The following POLR1C variants were observed in gnomAD, a reference collection of about 807,000 sequenced individuals.
POLR1C encodes the protein RNA polymerase I and III subunit C, also known as DNA-directed RNA polymerases I and III subunit RPAC1.
POLR1C carries 42 observed loss-of-function variants against 38.3 expected under a neutral mutation model. That is an observed-to-expected ratio of 1.10 (90% CI 0.86 to 1.42). The LOEUF (loss-of-function observed/expected upper bound fraction) is 1.42, where lower values mean the gene tolerates loss of function less well. POLR1C is among the 40% of genes most tolerant of loss of function. The pLI is 0.00. For missense variants in POLR1C, 507 were observed against 450.5 expected, an observed-to-expected ratio of 1.13 and a Z score of -1.14; for synonymous variants, 163 against 163.9, an observed-to-expected ratio of 0.99 and a Z score of 0.04.
At position 43,520,987 on chromosome 6, in the gene POLR1C, C is replaced by T. The variant is rs1396356657; in HGVS notation, c.861C>T (p.Ile287=). The change falls in exon 8 of 9, where the codon ATC becomes ATT. Residue 287 remains isoleucine (I), a synonymous_variant. Transcript: ENST00000642195. The stretch of plus-strand genomic sequence containing the variant: ...GGCTGGATACCTTCAGCAGAGAAAT[C>T]TTCCGGAATGAGAAGCTAAAGAAGG... ...NPRLDTFSRE[I]FRNEKLKKVV... is the part of the protein sequence containing the mutation. The T allele has an allele frequency of 2.5e-6, 4 of 1,614,064 alleles. No individual in the cohort carries two copies. The highest frequency in any genetic ancestry group is 3.4e-6 in the Non-Finnish European group (4 of 1,180,038).
At chr6:43,557,511 T>C (rs747920311) in intron 10 of POLR1C, among the ~76,000 whole-genome samples, 2 of 152,116 alleles carry the variant, frequency 1.3e-5, no homozygotes, top group Non-Finnish European at 2.9e-5. Context: ...GCAGTCACAA[T>C]AGACCATGTA....
intron 9 of POLR1C, among the ~76,000 whole-genome samples, chr6:43,541,571 T>C (rs1370015868): frequency 1.4e-5 from 2 of 146,078 alleles, no homozygotes; most frequent in African/African-American, 5.1e-5. Flanking sequence ...CATTAAGCAG[T>C]AGCAGTTGAT....
downstream of POLR1C, chr6:43,525,911 C>A (rs746907635): frequency 1.2e-6 from 2 of 1,613,986 alleles, no homozygotes; most frequent in South Asian, 1.1e-5. Flanking sequence ...CTGTGGCCAT[C>A]ATTTCTTCAT....
At position 43,519,717 on chromosome 6, in the gene POLR1C, G is replaced by T; in HGVS notation, c.261G>T (p.Met87Ile). 1 of 1,614,190 alleles carries T rather than the reference G, an allele frequency of 6.2e-7. No homozygotes were observed. The highest frequency in any genetic ancestry group is 8.5e-7 in the Non-Finnish European group (1 of 1,180,028). ...RRILLAEVPT[M>I]AVEKVLVYNN... Reference sequence around the variant, plus strand: ...TTTTCCTTGGGCAGGTGCCAACTATGGCTGTGGAGAAGGTCCTGGTGTACA... The same window carrying T: ...TTTTCCTTGGGCAGGTGCCAACTATTGCTGTGGAGAAGGTCCTGGTGTACA... Residue 87 changes from methionine to isoleucine, a missense_variant, in exon 4 of 9, where the codon ATG becomes ATT. By Grantham distance (10) the Met-to-Ile change is conservative. Coordinates refer to ENST00000642195, the MANE Select transcript of POLR1C (RefSeq NM_203290.4).
exon 11 of POLR1C, chr6:43,561,605 T>C (rs3757266): frequency 0.19 from 28,627 of 152,958 alleles, 5,748 homozygotes; most frequent in African/African-American, 0.51. Flanking sequence ...TCTCAAACTC[T>C]TGACCTCAGG....
At chr6:43,558,374 TA>T in intron 10 of POLR1C, 3 of 805,220 alleles carry the variant, frequency 3.7e-6, no homozygotes. Flanking sequence ...AACTAGGGCC[TA>T]ATAAGTAGGC....
rs942229238 is a variant in POLR1C, at chr6:43,553,702, G to C, written c.*48+2691G>C. 8.3e-6 allele frequency: 10 copies of C among 1,200,334 alleles called. No individual in the cohort carries two copies. In the African/African-American group the frequency reaches 1.5e-4, roughly 18 times the overall value. The allele number at this position is 1,200,334 out of a possible 1,614,324, so 74.4% of individuals were successfully genotyped here. On this transcript the variant is annotated intron_variant, in intron 10 of 10. Coordinates refer to the POLR1C transcript ENST00000607635. ...GTGTGCTGAAAGCAATGAGGTAGGT[G>C]AAGGTTCCTACCATGCCTCCTCCTC...
chr6:43,533,891 A>G (rs1554133329), downstream of POLR1C: 8 of 1,572,350 alleles, frequency 5.1e-6, no homozygotes, highest in Non-Finnish European at 7.0e-6. Flanking sequence ...AGGAGAAAAA[A>G]GGTTACATTT....
intron 9 of POLR1C, chr6:43,549,638 T>A: frequency 6.4e-7 from 1 of 1,557,480 alleles, no homozygotes; most frequent in South Asian, 1.2e-5. Flanking sequence ...AGGTGCTGCA[T>A]AGACTCATGT....
chr6:43,524,073 C>T (rs1793375009), downstream of POLR1C: 38 of 1,567,410 alleles, frequency 2.4e-5, 1 homozygote, highest in Middle Eastern at 1.7e-4. Context: ...TCTCTTGGCC[C>T]GGCGCAGTGG....
exon 11 of POLR1C, chr6:43,562,333 C>G: frequency 6.2e-7 from 1 of 1,607,850 alleles, no homozygotes; most frequent in Non-Finnish European, 8.5e-7. Context: ...ACCAAACCTC[C>G]TCCATCAGCA....
chr6:43,534,787 C>G (rs532901064), intron 9 of POLR1C, among the ~76,000 whole-genome samples: 2 of 152,180 alleles, frequency 1.3e-5, no homozygotes, highest in Admixed American at 1.3e-4. Context: ...TACCTGAGGT[C>G]AGGAGTTCAA....
chr6:43,525,004 CCT>C (rs1249903004), downstream of POLR1C: 2 of 1,606,806 alleles, frequency 1.2e-6, no homozygotes, highest in African/African-American at 1.3e-5. Flanking sequence ...CCACAGGGGG[CCT>C]CTCTCAAGGC....
chr6:43,537,536 T>C lies in POLR1C; in HGVS notation c.*4+8177T>C, dbSNP rs1794414047. Among the ~76,000 whole-genome samples, 20 of 152,290 alleles carry C rather than the reference T, an allele frequency of 1.3e-4. 1 individual carries two copies. In the South Asian group the frequency reaches 4.1e-3, roughly 32 times the overall value. On this transcript the variant is annotated intron_variant, in intron 9 of 10. Transcript: ENST00000607635. ...CGCAATAGCAGCCATAAACAGTAGG[T>C]AAATGAATGGCCAAGGTATGTTCCA...
rs78312695 is a variant in POLR1C, at chr6:43,550,765, G to A, written c.*5-203G>A. ...CTCATGCTTTCTCTTCTTTAGTCCC[G>A]TTCTCCTTTGTGATCTGGTATTCTG... is the stretch of plus-strand genomic sequence containing the variant. On this transcript the variant is annotated intron_variant, in intron 9 of 10. Transcript: ENST00000607635. 8.9e-3 allele frequency among the ~76,000 whole-genome samples: 1,357 copies of A among 152,076 alleles called. 9 individuals are homozygous for A. The highest frequency in any genetic ancestry group is 0.027 in the Middle Eastern group (8 of 294).
chr6:43,526,216 T>G, downstream of POLR1C: 1 of 435,140 alleles, frequency 2.3e-6, no homozygotes, highest in Non-Finnish European at 4.2e-6. Flanking sequence ...GACACTGATT[T>G]AGTTACTGGG....
intron 8 of POLR1C, chr6:43,527,472 C>T (rs891816027): frequency 2.0e-5 from 13 of 645,600 alleles, no homozygotes; most frequent in Admixed American, 5.8e-5. Flanking sequence ...CAGGGTTTCA[C>T]CATGTTGGCC....
At chr6:43,519,887 T>C (rs953450571) in intron 4 of POLR1C, 49 bp downstream of exon 4, 1 of 1,590,614 alleles carries the variant, frequency 6.3e-7, no homozygotes, top group African/African-American at 1.3e-5. Context: ...GTTCAAATCC[T>C]GGTTGACTGT....
intron 8 of POLR1C, chr6:43,527,611 C>T (rs759050729): frequency 1.2e-6 from 2 of 1,612,588 alleles, no homozygotes; most frequent in Non-Finnish European, 1.7e-6. Context: ...CCTCTATAGC[C>T]CCAGTTTCGA....
Sources: allele counts gnomAD v4.1 joint callset (sites outside exome capture counted in the v4.1 genomes callset), GRCh38; gene constraint gnomAD v4.1.1; transcripts MANE v1.5; gene names NCBI Gene and HGNC (gene_info 2026-07-23, HGNC 2026-07-21).